Variants in DOCK4 observed in about 807,000 individuals in gnomAD.
DOCK4 encodes the protein dedicator of cytokinesis protein 4.
In DOCK4, 97 loss-of-function variants were observed where a neutral mutation model predicts 268.1. The observed-to-expected ratio is 0.36, with a 90% confidence interval of 0.31 to 0.43. The LOEUF (loss-of-function observed/expected upper bound fraction) is 0.43, where lower values mean the gene tolerates loss of function less well. Ranked by LOEUF, DOCK4 falls within the 20% of genes least tolerant of loss-of-function variation. The pLI is 1.00. For missense variants in DOCK4, 2,145 were observed against 2,455.7 expected, an observed-to-expected ratio of 0.87 and a Z score of 2.67; for synonymous variants, 954 against 887.2, an observed-to-expected ratio of 1.08 and a Z score of -1.34.
At chr7:112,063,978 C>CAGACTAAT (rs1806691765) in intron 1 of DOCK4, among the ~76,000 whole-genome samples, 1 of 152,136 alleles carries the variant, frequency 6.6e-6, no homozygotes, top group Admixed American at 6.5e-5. Flanking sequence ...GTTTTTCCTT[C>CAGACTAAT]CCAAGTCTCC....
intron 1 of DOCK4, among the ~76,000 whole-genome samples, chr7:112,034,402 C>T (rs1563015821): frequency 6.6e-6 from 1 of 152,182 alleles, no homozygotes; most frequent in African/African-American, 2.4e-5. Context: ...AAAGGATCAG[C>T]TGACTAAACC....
At chr7:111,875,777 T>C (rs1207103961) in intron 17 of DOCK4, among the ~76,000 whole-genome samples, 1 of 152,224 alleles carries the variant, frequency 6.6e-6, no homozygotes, top group Non-Finnish European at 1.5e-5. Flanking sequence ...TGCTGGCACC[T>C]TGATTTTAGC....
rs533125444 is a variant in DOCK4, at chr7:111,976,977, G to A, written c.701+155C>T. On this transcript the variant is annotated intron_variant, in intron 8 of 52. Coordinates refer to ENST00000428084, the MANE Select transcript of DOCK4 (RefSeq NM_001363540.2). The stretch of plus-strand genomic sequence containing the variant: ...ATCATCCCTCACAGAAACATCCAAA[G>A]AACAGGCAGCTTAGAAACTCAGAGT... 2.6e-5 allele frequency: 21 copies of A among 803,592 alleles called. 1 individual carries two copies. In the African/African-American group the frequency reaches 3.6e-4, roughly 14 times the overall value. The allele number at this position is 803,592 out of a possible 1,614,324, so 49.8% of individuals were successfully genotyped here.
At chr7:112,108,519 T>C (rs1418351976) in intron 1 of DOCK4, among the ~76,000 whole-genome samples, 1 of 152,210 alleles carries the variant, frequency 6.6e-6, no homozygotes, top group African/African-American at 2.4e-5. Flanking sequence ...CTACTTCTTA[T>C]TAGACCACTG....
At chr7:111,939,315 A>G (rs1795008864) in intron 11 of DOCK4, among the ~76,000 whole-genome samples, 1 of 152,028 alleles carries the variant, frequency 6.6e-6, no homozygotes. Context: ...GGAGATTGAG[A>G]CCAGCCTGGC....
chr7:112,043,212 T>C (rs1158340890), intron 1 of DOCK4, among the ~76,000 whole-genome samples: 3 of 151,290 alleles, frequency 2.0e-5, no homozygotes, highest in Non-Finnish European at 2.9e-5. Context: ...ACTTCTTCAC[T>C]GACACTGTTA....
intron 42 of DOCK4, among the ~76,000 whole-genome samples, chr7:111,750,905 C>G (rs1796593744): frequency 6.6e-6 from 1 of 152,134 alleles, no homozygotes; most frequent in South Asian, 2.1e-4. Context: ...ACCAACCAAA[C>G]AAAAACCCCT....
At chr7:111,988,612 T>G (rs1799240225) in intron 6 of DOCK4, among the ~76,000 whole-genome samples, 1 of 152,154 alleles carries the variant, frequency 6.6e-6, no homozygotes, top group African/African-American at 2.4e-5. Context: ...CATTAGTGTC[T>G]CCCTCCGGAT....
chr7:111,810,539 T>A (rs905035304), intron 28 of DOCK4, among the ~76,000 whole-genome samples: 2 of 150,586 alleles, frequency 1.3e-5, no homozygotes, highest in Non-Finnish European at 1.5e-5. Context: ...AGTCAATAAG[T>A]AATAATTAGT....
intron 1 of DOCK4, among the ~76,000 whole-genome samples, chr7:112,154,905 CA>C (rs1255612246): frequency 6.6e-6 from 1 of 152,140 alleles, no homozygotes; most frequent in East Asian, 1.9e-4. Context: ...TGCTGTGCCT[CA>C]GATTTAAAAC....
chr7:111,973,368 A>G (rs1185305857), intron 8 of DOCK4, among the ~76,000 whole-genome samples: 1 of 151,956 alleles, frequency 6.6e-6, no homozygotes, highest in Non-Finnish European at 1.5e-5. Flanking sequence ...TAATAACACA[A>G]GCATTCACTT....
In DOCK4 at chr7:112,101,021, G is replaced by T. The variant is rs181703224; in HGVS notation, c.38-96890C>A. Among the ~76,000 whole-genome samples the T allele has an allele frequency of 3.3e-5, 5 of 152,178 alleles. No homozygotes were observed. In the South Asian group the frequency reaches 8.3e-4, roughly 25 times the overall value. On this transcript the variant is annotated intron_variant, in intron 1 of 52. Coordinates refer to ENST00000428084, the MANE Select transcript of DOCK4 (RefSeq NM_001363540.2). ...TATAGGAAATAGCCATTCATCTATT[G>T]TAAGAGTCTCCTAGAAACAGAATCT...
intron 1 of DOCK4, among the ~76,000 whole-genome samples, chr7:112,205,172 T>C (rs951499930): frequency 6.6e-6 from 1 of 152,152 alleles, no homozygotes; most frequent in African/African-American, 2.4e-5. Flanking sequence ...CCTGTATTCA[T>C]CAGTCAACAT....
chr7:112,198,070 C>T (rs1419689214), intron 1 of DOCK4, among the ~76,000 whole-genome samples: 10 of 151,540 alleles, frequency 6.6e-5, no homozygotes, highest in African/African-American at 2.2e-4. Context: ...CTATAAATCA[C>T]GTTTATATGC....
chr7:111,788,273 C>A (rs1003631454), intron 32 of DOCK4, among the ~76,000 whole-genome samples: 1 of 152,194 alleles, frequency 6.6e-6, no homozygotes, highest in Non-Finnish European at 1.5e-5. Context: ...AGCAAATCAG[C>A]ATCAGTATCT....
chr7:112,199,325 A>C (rs543065540), intron 1 of DOCK4, among the ~76,000 whole-genome samples: 1 of 152,310 alleles, frequency 6.6e-6, no homozygotes, highest in South Asian at 2.1e-4. Context: ...ATGCTATTTT[A>C]TATTGCAGTT....
At chr7:111,992,913 C>CA (rs944059866) in intron 5 of DOCK4, among the ~76,000 whole-genome samples, 50 of 145,950 alleles carry the variant, frequency 3.4e-4, no homozygotes, top group Admixed American at 5.5e-4. Context: ...CCAACATTTA[C>CA]AAAAAAAAAA....
intron 1 of DOCK4, among the ~76,000 whole-genome samples, chr7:112,160,039 C>A (rs146388071): frequency 2.0e-5 from 3 of 152,060 alleles, no homozygotes; most frequent in Admixed American, 2.0e-4. Context: ...GGATGCTCAA[C>A]CAGTAAATAT....
At chr7:111,750,465 G>A (rs1387246589) in intron 42 of DOCK4, among the ~76,000 whole-genome samples, 1 of 152,170 alleles carries the variant, frequency 6.6e-6, no homozygotes, top group African/African-American at 2.4e-5. Flanking sequence ...CTAACTCTCT[G>A]GAGTAGAAAA....
Sources: allele counts gnomAD v4.1 joint callset (sites outside exome capture counted in the v4.1 genomes callset), GRCh38; gene constraint gnomAD v4.1.1; transcripts MANE v1.5; gene names NCBI Gene and HGNC (gene_info 2026-07-23, HGNC 2026-07-21).